The following FRMD4A variants were observed in gnomAD, a reference collection of about 807,000 sequenced individuals.
FRMD4A encodes the protein FERM domain containing 4A.
In FRMD4A, 29 loss-of-function variants were observed where a neutral mutation model predicts 129.1. That is an observed-to-expected ratio of 0.22 (90% CI 0.17 to 0.31). FRMD4A has a LOEUF of 0.31. Ranked by LOEUF, FRMD4A falls within the 10% of genes least tolerant of loss-of-function variation. The pLI is 1.00. For synonymous variants in FRMD4A, 634 were observed against 571.6 expected (o/e 1.11, Z -1.56); for missense variants, 1,272 against 1,375.8 (o/e 0.92, Z 1.19).
chr10:13,707,687 C>A lies in FRMD4A; in HGVS notation c.760-574G>T, dbSNP rs1247430156. ...TTGCAAAGGGCGGAGGAGGCTGGGA[C>A]CTTATTTCGGGGGCAGGCAACTCAA... On this transcript the variant is annotated intron_variant, in intron 12 of 24. Coordinates refer to ENST00000357447, the MANE Select transcript of FRMD4A (RefSeq NM_018027.5). 3 of 985,542 alleles carry A rather than the reference C, an allele frequency of 3.0e-6. No individual in the cohort carries two copies. In the East Asian group the frequency reaches 3.4e-4, roughly 112 times the overall value. The allele number at this position is 985,542 out of a possible 1,614,324, so 61.0% of individuals were successfully genotyped here. A position where few individuals can be genotyped will look rare whatever the true frequency, so the allele number is the denominator to read the frequency against.
intron 2 of FRMD4A, among the ~76,000 whole-genome samples, chr10:14,060,242 C>G (rs1834743714): frequency 6.6e-6 from 1 of 152,214 alleles, no homozygotes; most frequent in South Asian, 2.1e-4. Context: ...TAGAAATTCA[C>G]TGTTGACTGG....
intron 2 of FRMD4A, among the ~76,000 whole-genome samples, chr10:13,932,300 T>C (rs907601805): frequency 7.9e-5 from 12 of 152,222 alleles, no homozygotes; most frequent in Non-Finnish European, 5.9e-5. Context: ...TAACTAACAT[T>C]AACATGGGTC....
intron 14 of FRMD4A, 145 bp downstream of exon 14, chr10:13,701,195 T>C: frequency 4.3e-6 from 3 of 693,754 alleles, no homozygotes; most frequent in Non-Finnish European, 5.0e-6. Context: ...CCCTCCCATC[T>C]GTAGCCCTAA....
intron 2 of FRMD4A, among the ~76,000 whole-genome samples, chr10:13,980,703 G>A (rs1033284692): frequency 6.6e-5 from 10 of 152,186 alleles, no homozygotes; most frequent in African/African-American, 2.4e-4. Context: ...TTGGGCAACA[G>A]AGTGAGACCC....
chr10:14,289,139 T>C (rs934006814), intron 2 of FRMD4A, among the ~76,000 whole-genome samples: 1 of 152,178 alleles, frequency 6.6e-6, no homozygotes, highest in African/African-American at 2.4e-5. Flanking sequence ...TACCCAGAGA[T>C]GGGATTGCTG....
Position 13,675,997 on chromosome 10 carries a change from C to A in FRMD4A, c.1118-953G>T, listed in dbSNP as rs186365598. 4.9e-4 allele frequency: 75 copies of A among 152,074 alleles called. 1 individual carries two copies. The highest frequency in any genetic ancestry group is 1.0e-4 in the Non-Finnish European group (7 of 68,020). The allele number at this position is 152,074 out of a possible 1,614,324, so 9.4% of individuals were successfully genotyped here. ...TTATACATATTTTAACATACTTTTC[C>A]TGGGTAAAACATGATGATTCAAATA... On this transcript the variant is annotated intron_variant, in intron 15 of 24. Coordinates refer to ENST00000357447, the MANE Select transcript of FRMD4A (RefSeq NM_018027.5).
At chr10:13,833,763 A>T (rs2093827616) in intron 3 of FRMD4A, among the ~76,000 whole-genome samples, 1 of 152,114 alleles carries the variant, frequency 6.6e-6, no homozygotes, top group South Asian at 2.1e-4. Context: ...GCAGTTAATC[A>T]TCTCAACAAC....
chr10:13,739,814 T>G (rs2090878925), intron 11 of FRMD4A, among the ~76,000 whole-genome samples: 1 of 152,040 alleles, frequency 6.6e-6, no homozygotes, highest in Admixed American at 6.6e-5. Flanking sequence ...AAAAAAACAA[T>G]GAGGGCCAGG....
chr10:13,878,030 G>A lies in FRMD4A; in HGVS notation c.46-19118C>T, dbSNP rs758311317. 1.3e-4 allele frequency among the ~76,000 whole-genome samples: 20 copies of A among 152,100 alleles called. 1 individual carries two copies. The highest frequency in any genetic ancestry group is 3.9e-4 in the East Asian group (2 of 5,186). ...TGGAAATGCTGTCACAGACAGTAAC[G>A]TAGCACCTTACAGTGCAATGGCCCC... is the stretch of plus-strand genomic sequence containing the variant. On this transcript the variant is annotated intron_variant, in intron 2 of 24. Coordinates refer to ENST00000357447, the MANE Select transcript of FRMD4A (RefSeq NM_018027.5).
chr10:14,001,137 C>A (rs1304920040), intron 2 of FRMD4A, among the ~76,000 whole-genome samples: 1 of 152,158 alleles, frequency 6.6e-6, no homozygotes, highest in Admixed American at 6.5e-5. Context: ...TTCCTTGGGG[C>A]AGCTGTTCTC....
intron 2 of FRMD4A, among the ~76,000 whole-genome samples, chr10:13,945,734 G>A (rs1259951175): frequency 1.3e-5 from 2 of 152,152 alleles, no homozygotes; most frequent in East Asian, 1.9e-4. Flanking sequence ...CTTGATTATA[G>A]AGCCAGGGTC....
At chr10:14,293,686 A>T (rs1462963118) in intron 2 of FRMD4A, among the ~76,000 whole-genome samples, 1 of 151,966 alleles carries the variant, frequency 6.6e-6, no homozygotes, top group African/African-American at 2.4e-5. Flanking sequence ...ACCTCTTGGG[A>T]AACATTTTGA....
At chr10:14,230,649 G>T (rs893316262) in intron 2 of FRMD4A, among the ~76,000 whole-genome samples, 14 of 152,086 alleles carry the variant, frequency 9.2e-5, no homozygotes, top group Non-Finnish European at 1.8e-4. Flanking sequence ...TTTACTGTAG[G>T]TTCAGGAGAT....
intron 2 of FRMD4A, among the ~76,000 whole-genome samples, chr10:13,969,027 T>C (rs958020442): frequency 3.3e-5 from 5 of 152,152 alleles, no homozygotes; most frequent in Non-Finnish European, 7.4e-5. Context: ...TGGTTGGCAG[T>C]AGAAAGGAGG....
intron 2 of FRMD4A, among the ~76,000 whole-genome samples, chr10:13,955,117 T>TTTTTTTTTC (rs1437320573): frequency 7.2e-6 from 1 of 138,478 alleles, no homozygotes; most frequent in Non-Finnish European, 1.5e-5. Context: ...TTCTGCTTTT[T>TTTTTTTTTC]TTTTTTTTGA....
chr10:13,659,002 A>T (rs948914701), intron 21 of FRMD4A, among the ~76,000 whole-genome samples: 3 of 152,222 alleles, frequency 2.0e-5, no homozygotes, highest in South Asian at 2.1e-4. Flanking sequence ...GTATAAATTT[A>T]GGCCTCAGTA....
intron 2 of FRMD4A, among the ~76,000 whole-genome samples, chr10:13,991,093 G>C (rs986430607): frequency 1.3e-5 from 2 of 152,148 alleles, no homozygotes; most frequent in African/African-American, 4.8e-5. Flanking sequence ...TGTGCTTGGC[G>C]TGCCTGGGCT....
chr10:13,928,046 G>C (rs898668497), intron 2 of FRMD4A, among the ~76,000 whole-genome samples: 1 of 140,552 alleles, frequency 7.1e-6, no homozygotes, highest in African/African-American at 2.7e-5. Context: ...TCTGAGACAG[G>C]GTCTCACTCT....
intron 2 of FRMD4A, among the ~76,000 whole-genome samples, chr10:13,938,213 G>A (rs1360238296): frequency 6.6e-6 from 1 of 151,246 alleles, no homozygotes; most frequent in African/African-American, 2.4e-5. Flanking sequence ...AAGCATTCTT[G>A]TTGTGTTTTT....
Sources: gnomAD v4.1 joint callset for allele counts (sites outside exome capture counted in the v4.1 genomes callset) on GRCh38, gnomAD v4.1.1 for gene constraint, MANE v1.5 for transcripts, NCBI Gene and HGNC (gene_info 2026-07-23, HGNC 2026-07-21) for gene names.